SCN11A: variants seen among roughly 807,000 people sequenced by gnomAD.
SCN11A encodes sodium voltage-gated channel alpha subunit 11, also known as sodium channel protein type 11 subunit alpha.
In SCN11A, 122 loss-of-function variants were observed where a neutral mutation model predicts 162.2. The observed-to-expected ratio is 0.75, with a 90% CI of 0.65 to 0.87. The LOEUF is 0.87. SCN11A is among the 40% of genes least tolerant of loss of function. The pLI is 0.00. For missense variants in SCN11A, 2,015 were observed against 2,181.6 expected, an observed-to-expected ratio of 0.92 and a Z score of 1.52; for synonymous variants, 758 against 751.5, an observed-to-expected ratio of 1.01 and a Z score of -0.14.
intron 10 of SCN11A, among the ~76,000 whole-genome samples, chr3:38,920,668 G>A (rs945958080): frequency 7.9e-5 from 11 of 139,924 alleles, no homozygotes; most frequent in African/African-American, 5.5e-5. Context: ...CCTGGTGACA[G>A]AGCTAGACTC....
chr3:38,963,401 T>TGATGGAG (rs2066758118), intron 2 of SCN11A, among the ~76,000 whole-genome samples: 3 of 61,782 alleles, frequency 4.9e-5, no homozygotes, highest in South Asian at 5.0e-4. Context: ...GAGATATATA[T>TGATGGAG]ATATATATAT....
At chr3:38,919,732 T>C (rs538103028) in intron 11 of SCN11A, among the ~76,000 whole-genome samples, 2 of 152,296 alleles carry the variant, frequency 1.3e-5, no homozygotes, top group South Asian at 4.1e-4. Context: ...CAATTTAACA[T>C]AACTAGGGAG....
chr3:39,049,630 T>C (rs1032707510), intron 1 of SCN11A, among the ~76,000 whole-genome samples: 5 of 152,234 alleles, frequency 3.3e-5, no homozygotes, highest in East Asian at 1.9e-4. Context: ...GGTGATCCCA[T>C]GCATAGCTCC....
chr3:38,856,186 T>C (rs1319071590), intron 28 of SCN11A, among the ~76,000 whole-genome samples: 2 of 152,178 alleles, frequency 1.3e-5, no homozygotes, highest in African/African-American at 4.8e-5. Flanking sequence ...TCCTCTGTGA[T>C]TGTGAAGGGC....
Position 38,894,792 on chromosome 3 carries a change from C to T in SCN11A, c.2576G>A (p.Arg859Lys), listed in dbSNP as rs539550341. The T allele has an allele frequency of 2.7e-5, 43 of 1,614,202 alleles. No homozygotes were observed. In the Admixed American group the frequency reaches 5.5e-4, roughly 21 times the overall value. ...TLEHFCHKWCRKQNLPQQKEV... is the reference protein window; with the variant it reads ...TLEHFCHKWCKKQNLPQQKEV... ...TTTTTGCTGTGGTAAGTTTTGCTTC[C>T]TGCACCACTTGTGACAGAAATGCTC... is the stretch of plus-strand genomic sequence containing the variant. Residue 859 changes from arginine (R) to lysine (K), a missense_variant, in exon 19 of 30, where the codon AGG (arginine) becomes AAG (lysine). Arg to Lys is a conservative substitution (Grantham distance 26). Coordinates refer to ENST00000302328, the MANE Select transcript of SCN11A (RefSeq NM_001349253.2).
intron 2 of SCN11A, among the ~76,000 whole-genome samples, chr3:38,975,956 G>C (rs531056651): frequency 1.8e-4 from 28 of 152,244 alleles, no homozygotes; most frequent in African/African-American, 6.5e-4. Flanking sequence ...AAAATGGTAG[G>C]ATGGTAAATT....
At chr3:39,020,639 C>G (rs940855496) in intron 2 of SCN11A, among the ~76,000 whole-genome samples, 1 of 152,142 alleles carries the variant, frequency 6.6e-6, no homozygotes, top group African/African-American at 2.4e-5. Flanking sequence ...CTTCGGTCAC[C>G]CACAGAAGAA....
At chr3:38,952,713 C>T (rs1452302067) in intron 4 of SCN11A, among the ~76,000 whole-genome samples, 1 of 152,192 alleles carries the variant, frequency 6.6e-6, no homozygotes, top group Non-Finnish European at 1.5e-5. Context: ...GTTGTCCAAA[C>T]CTTTAATGTC....
chr3:38,852,958 T>G (rs1188343753), intron 28 of SCN11A, among the ~76,000 whole-genome samples: 3 of 152,242 alleles, frequency 2.0e-5, no homozygotes, highest in Non-Finnish European at 4.4e-5. Flanking sequence ...AAGGCTTGAT[T>G]GGTGAGTTGT....
Position 39,001,425 on chromosome 3 carries a change from G to C in SCN11A, c.-280+30955C>G, listed in dbSNP as rs555567826. On this transcript the variant is annotated intron_variant, in intron 2 of 29. Transcript: ENST00000302328. ...CTCAGCAAAATGTTTCTTTTCCAAGGTTTATGCATGTTGTAGCATGTATCA... is the reference window on the plus strand; with the variant it reads ...CTCAGCAAAATGTTTCTTTTCCAAGCTTTATGCATGTTGTAGCATGTATCA... Among the ~76,000 whole-genome samples, 210 of 152,214 alleles carry C rather than the reference G, an allele frequency of 1.4e-3. 1 individual carries two copies. Among genetic ancestry groups the C allele is most frequent in the Non-Finnish European group, 2.5e-3 (171 of 68,020 alleles).
chr3:38,965,981 T>TA (rs1021231604), intron 2 of SCN11A, among the ~76,000 whole-genome samples: 3 of 150,950 alleles, frequency 2.0e-5, no homozygotes, highest in East Asian at 1.9e-4. Context: ...CCCTGTCCCT[T>TA]AAAAAAAATT....
chr3:38,994,511 G>A (rs2030551135), intron 2 of SCN11A, among the ~76,000 whole-genome samples: 1 of 152,196 alleles, frequency 6.6e-6, no homozygotes, highest in South Asian at 2.1e-4. Context: ...GGATCTCTTT[G>A]GAGAGAACTG....
chr3:39,051,176 G>A (rs1207898441), intron 1 of SCN11A, among the ~76,000 whole-genome samples: 1 of 151,594 alleles, frequency 6.6e-6, no homozygotes, highest in Non-Finnish European at 1.5e-5. Context: ...TGTTATATAG[G>A]TAAACTTGTG....
intron 2 of SCN11A, among the ~76,000 whole-genome samples, chr3:39,020,608 A>T (rs2031426169): frequency 6.6e-6 from 1 of 152,202 alleles, no homozygotes; most frequent in African/African-American, 2.4e-5. Flanking sequence ...TATTCTTCCT[A>T]GAATCCCCAA....
In SCN11A at chr3:38,897,004, G is replaced by A. The variant is rs1381426055; in HGVS notation, c.2244C>T (p.His748=). The A allele has an allele frequency of 6.2e-7, 1 of 1,614,040 alleles. No homozygotes were observed. Among genetic ancestry groups the A allele is most frequent in the Non-Finnish European group, 8.5e-7 (1 of 1,180,030 alleles). Residue 748 remains histidine (H), a synonymous_variant, in exon 18 of 30, where the codon CAC becomes CAT. Transcript: ENST00000302328. ...PTGPTVSCLR[H]WHMGDFWHSF... ...AGTGCCAGAAATCCCCCATGTGCCA[G>A]TGCCGTAAACATGAGACTGTCGGGC...
chr3:38,861,574 C>T (rs1050127676), intron 28 of SCN11A, among the ~76,000 whole-genome samples: 7 of 151,998 alleles, frequency 4.6e-5, no homozygotes, highest in African/African-American at 1.7e-4. Flanking sequence ...AATAGAGAAC[C>T]CCCCAAAAAA....
chr3:38,891,309 G>A (rs1003009083), intron 19 of SCN11A, among the ~76,000 whole-genome samples: 2 of 151,922 alleles, frequency 1.3e-5, no homozygotes, highest in African/African-American at 2.4e-5. Context: ...TTTGAAGAAA[G>A]AACCAGTGAA....
intron 9 of SCN11A, among the ~76,000 whole-genome samples, chr3:38,923,022 G>A (rs2066079362): frequency 6.6e-6 from 1 of 152,096 alleles, no homozygotes; most frequent in African/African-American, 2.4e-5. Context: ...GAGGAAAGGG[G>A]AAGGAGAGGA....
chr3:38,868,736 T>C (rs947616628), intron 26 of SCN11A, among the ~76,000 whole-genome samples: 3 of 152,188 alleles, frequency 2.0e-5, no homozygotes, highest in African/African-American at 7.2e-5. Context: ...GAGGGAAACA[T>C]GGAAGGCAAA....
Sources: allele counts gnomAD v4.1 joint callset (sites outside exome capture counted in the v4.1 genomes callset), GRCh38; gene constraint gnomAD v4.1.1; transcripts MANE v1.5; gene names NCBI Gene and HGNC (gene_info 2026-07-23, HGNC 2026-07-21).